GABRB3: variants seen among roughly 807,000 people sequenced by gnomAD.
GABRB3 encodes gamma-aminobutyric acid receptor subunit beta-3.
GABRB3 carries 14 observed loss-of-function variants against 52.1 expected under a neutral mutation model. That is an observed-to-expected ratio of 0.27 (90% confidence interval 0.18 to 0.42). The LOEUF (loss-of-function observed/expected upper bound fraction) is 0.42, where lower values mean the gene tolerates loss of function less well. GABRB3 is among the 10% of genes least tolerant of loss of function. GABRB3 has a pLI of 1.00. For missense variants in GABRB3, 307 were observed against 609.1 expected (o/e 0.50, Z 5.22); for synonymous variants, 260 against 232.3 (o/e 1.12, Z -1.08).
rs1375822384 is a variant in GABRB3 at position 26,545,823 on chromosome 15, A to T, written c.*1970T>A. 1 of 152,626 alleles carries T rather than the reference A, an allele frequency of 6.6e-6. No homozygotes were observed. Among genetic ancestry groups the T allele is most frequent in the African/African-American group, 2.4e-5 (1 of 41,452 alleles). The allele number at this position is 152,626 out of a possible 1,614,324, so 9.5% of individuals were successfully genotyped here. On this transcript the variant is annotated 3_prime_UTR_variant, in exon 9 of 9. Coordinates refer to ENST00000311550, the MANE Select transcript of GABRB3 (RefSeq NM_000814.6). ...TCTCCAGATGAAAATAAAACCAGAG[A>T]GCAGCGATTAGGAGGAAAAAGATAG... is the stretch of plus-strand genomic sequence containing the variant.
At chr15:26,769,514 C>T (rs79568067) in intron 3 of GABRB3, among the ~76,000 whole-genome samples, 4,747 of 152,232 alleles carry the variant, frequency 0.031, 250 homozygotes, top group African/African-American at 0.11. Context: ...TCCTGCAGAA[C>T]GGCCTAGGTG....
intron 7 of GABRB3, among the ~76,000 whole-genome samples, chr15:26,561,873 G>C (rs1263775016): frequency 2.6e-5 from 4 of 152,184 alleles, no homozygotes; most frequent in Admixed American, 6.5e-5. Context: ...GGAAATGTTT[G>C]CTCAAGTTAA....
At chr15:26,750,580 T>A (rs7183628) in intron 3 of GABRB3, among the ~76,000 whole-genome samples, 96,632 of 152,082 alleles carry the variant, frequency 0.64, 31,112 homozygotes, top group East Asian at 0.87. Flanking sequence ...GGCAGAATAC[T>A]CAGAGACAAG....
chr15:26,729,605 G>C (rs958611548), intron 3 of GABRB3, among the ~76,000 whole-genome samples: 1 of 152,194 alleles, frequency 6.6e-6, no homozygotes. Context: ...CTCTGTGGAT[G>C]TGGAGGGTGG....
intron 3 of GABRB3, among the ~76,000 whole-genome samples, chr15:26,756,191 T>C (rs935249641): frequency 6.6e-6 from 1 of 152,160 alleles, no homozygotes; most frequent in African/African-American, 2.4e-5. Context: ...TATTATTTTG[T>C]AGAAGCAGTC....
chr15:26,589,494 T>C (rs1029228367), intron 4 of GABRB3, among the ~76,000 whole-genome samples: 18 of 152,204 alleles, frequency 1.2e-4, no homozygotes, highest in Admixed American at 7.2e-4. Context: ...AGAGAACAGA[T>C]TAAAATGTCC....
intron 6 of GABRB3, among the ~76,000 whole-genome samples, chr15:26,573,855 G>A (rs776824565): frequency 1.3e-5 from 2 of 152,104 alleles, no homozygotes; most frequent in African/African-American, 2.4e-5. Flanking sequence ...TTCAAGACCA[G>A]CCTGGGCAAA....
At chr15:26,712,127 G>A (rs1261273416) in intron 3 of GABRB3, among the ~76,000 whole-genome samples, 1 of 152,030 alleles carries the variant, frequency 6.6e-6, no homozygotes, top group Non-Finnish European at 1.5e-5. Context: ...AGGGAAGACT[G>A]GGGAGGATGT....
intron 3 of GABRB3, among the ~76,000 whole-genome samples, chr15:26,679,576 C>A (rs1178222900): frequency 6.6e-6 from 1 of 152,128 alleles, no homozygotes; most frequent in Non-Finnish European, 1.5e-5. Context: ...TTTTGATGAT[C>A]ACAATATCTT....
chr15:26,642,419 A>G (rs899079824), intron 3 of GABRB3: 5 of 1,221,802 alleles, frequency 4.1e-6, no homozygotes, highest in East Asian at 5.7e-5. Context: ...CTGTGTATAT[A>G]TATGTATACA....
intron 6 of GABRB3, among the ~76,000 whole-genome samples, chr15:26,572,047 G>GAAAAAA (rs67382387): frequency 3.8e-5 from 2 of 53,108 alleles, no homozygotes; most frequent in African/African-American, 6.0e-5. Flanking sequence ...TCCGTCTCAA[G>GAAAAAA]AAAAAAAAAA....
intron 3 of GABRB3, among the ~76,000 whole-genome samples, chr15:26,761,990 G>A (rs565338974): frequency 3.3e-5 from 5 of 152,100 alleles, no homozygotes; most frequent in African/African-American, 9.6e-5. Flanking sequence ...GTGCAATCAC[G>A]CCCGGCTAAT....
At chr15:26,554,093 G>GTGTATA in intron 8 of GABRB3, among the ~76,000 whole-genome samples, 1 of 25,766 alleles carries the variant, frequency 3.9e-5, no homozygotes, top group East Asian at 3.4e-4. Flanking sequence ...GTGTATATAT[G>GTGTATA]TATAAAGTGT....
intron 3 of GABRB3, among the ~76,000 whole-genome samples, chr15:26,687,163 T>C (rs1888433320): frequency 6.6e-6 from 1 of 152,234 alleles, no homozygotes; most frequent in South Asian, 2.1e-4. Flanking sequence ...GACTCTCCAC[T>C]GTGCTCCAGG....
At chr15:26,694,463 C>T (rs1034142105) in intron 3 of GABRB3, among the ~76,000 whole-genome samples, 3 of 152,190 alleles carry the variant, frequency 2.0e-5, no homozygotes, top group Admixed American at 6.5e-5. Flanking sequence ...TAAGAAGGAA[C>T]GTCTAGAGAA....
At chr15:26,637,140 T>C (rs1384234852) in intron 3 of GABRB3, among the ~76,000 whole-genome samples, 1 of 152,204 alleles carries the variant, frequency 6.6e-6, no homozygotes, top group Admixed American at 6.5e-5. Context: ...CCTCTCATTA[T>C]TGTCACCTTT....
At chr15:26,755,970 C>A (rs8026927) in intron 3 of GABRB3, among the ~76,000 whole-genome samples, 65,039 of 151,776 alleles carry the variant, frequency 0.43, 14,847 homozygotes, top group African/African-American at 0.6. Context: ...ACAGCCCTTA[C>A]AATAAATGTA....
At chr15:26,732,833 C>A (rs908531279) in intron 3 of GABRB3, among the ~76,000 whole-genome samples, 1 of 152,016 alleles carries the variant, frequency 6.6e-6, no homozygotes, top group Non-Finnish European at 1.5e-5. Flanking sequence ...TACTAAAATA[C>A]AATTCTTTTT....
chr15:26,730,833 T>C (rs1041302525), intron 3 of GABRB3, among the ~76,000 whole-genome samples: 52 of 152,200 alleles, frequency 3.4e-4, no homozygotes, highest in Non-Finnish European at 1.3e-4. Flanking sequence ...TTTCCTCATA[T>C]GTAAAACAGG....
Sources: allele counts gnomAD v4.1 joint callset (sites outside exome capture counted in the v4.1 genomes callset), GRCh38; gene constraint gnomAD v4.1.1; transcripts MANE v1.5; gene names NCBI Gene and HGNC (gene_info 2026-07-23, HGNC 2026-07-21).